Variants in PFKFB1 observed in about 807,000 individuals in gnomAD.
The protein encoded by PFKFB1 is 6-phosphofructo-2-kinase/fructose-2,6-biphosphatase 1.
In PFKFB1, 34 loss-of-function variants were observed where a neutral mutation model predicts 46.4. That is an observed-to-expected ratio of 0.73 (90% CI 0.56 to 0.98). The LOEUF is 0.98. Among genes scored for constraint, PFKFB1 ranks in the 50% least tolerant of loss-of-function variants. The pLI is 0.00. For missense variants in PFKFB1, 393 were observed against 376.3 expected (o/e 1.04, Z -0.37); for synonymous variants, 119 against 133.8 (o/e 0.89, Z 0.76).
chrX:54,956,034 C>T, intron 7 of PFKFB1, 119 bp downstream of exon 7: 2 of 463,685 alleles, frequency 4.3e-6, no homozygotes, highest in Non-Finnish European at 7.4e-6. Context: ...AGTTCAGTTT[C>T]CTGATATTAC....
At chrX:54,981,776 G>A (rs145126793) in intron 1 of PFKFB1, among the ~76,000 whole-genome samples, 3 of 111,547 alleles carry the variant, frequency 2.7e-5, no homozygotes, top group Non-Finnish European at 5.7e-5. Flanking sequence ...AAGAGCTTGG[G>A]AGTTCTTATT....
upstream of PFKFB1, chrX:54,998,370 G>A: frequency 8.9e-7 from 1 of 1,120,065 alleles, no homozygotes; most frequent in Non-Finnish European, 1.2e-6. Flanking sequence ...GTGGATTTGT[G>A]CAACTCCTGC....
chrX:54,959,648 G>A (rs1934252578), intron 4 of PFKFB1, among the ~76,000 whole-genome samples, 179 bp downstream of exon 4: 1 of 111,400 alleles, frequency 9.0e-6, no homozygotes, highest in Non-Finnish European at 1.9e-5. Flanking sequence ...CCATTCTTCT[G>A]GGCTCTGAAT....
chrX:54,991,248 C>T (rs1425016938), intron 1 of PFKFB1, among the ~76,000 whole-genome samples: 1 of 111,486 alleles, frequency 9.0e-6, no homozygotes, highest in Non-Finnish European at 1.9e-5. Context: ...CAGTTGTATA[C>T]ATTAGCAACA....
At chrX:54,971,735 C>G (rs1225875413) in intron 1 of PFKFB1, among the ~76,000 whole-genome samples, 1 of 112,178 alleles carries the variant, frequency 8.9e-6, no homozygotes, top group African/African-American at 3.2e-5. Context: ...GTTTTGGTTA[C>G]TGTAGGCTTG....
chrX:54,988,218 T>TTAAG (rs1172483819), intron 1 of PFKFB1, among the ~76,000 whole-genome samples: 1 of 111,257 alleles, frequency 9.0e-6, no homozygotes, highest in Non-Finnish European at 1.9e-5. Context: ...CAAAATGAAA[T>TTAAG]TAAGTAAAAC....
intron 10 of PFKFB1, among the ~76,000 whole-genome samples, chrX:54,942,292 A>G (rs1224619724): frequency 9.0e-6 from 1 of 111,488 alleles, no homozygotes; most frequent in African/African-American, 3.3e-5. Flanking sequence ...TACCTAATGT[A>G]AATGACGATT....
chrX:54,967,589 T>A lies in PFKFB1; in HGVS notation c.98-4207A>T, dbSNP rs906523107. 7.6e-3 allele frequency among the ~76,000 whole-genome samples: 541 copies of A among 71,520 alleles called. 5 individuals carry two copies. Among genetic ancestry groups the A allele is most frequent in the Non-Finnish European group, 0.012 (464 of 38,156 alleles). The allele number at this position is 71,520 out of a possible 115,157, so 62.1% of individuals were successfully genotyped here. On this transcript the variant is annotated intron_variant, in intron 1 of 13. Coordinates refer to ENST00000375006, the MANE Select transcript of PFKFB1 (RefSeq NM_002625.4). ...CTACTCATCTGACAAAGGGCTAATA[T>A]CCAGAATCTACAATGAACTCAAACA...
chrX:54,937,666 T>G lies in PFKFB1; in HGVS notation c.1157A>C (p.Glu386Ala). Residue 386 changes from glutamate to alanine, a missense_variant, in exon 11 of 14, where the codon GAG becomes GCG. Glu to Ala is a moderately radical substitution (Grantham distance 107). Transcript: ENST00000375006. Reference protein sequence around the residue: ...EPVIMELERQENVLVICHQAV... With the variant: ...EPVIMELERQANVLVICHQAV... Reference sequence around the variant, plus strand: ...CTGGTGGCAGATCACCAGTACATTCTCCTGTCGTTCTAGCTCCATTATCAC... The same window carrying G: ...CTGGTGGCAGATCACCAGTACATTCGCCTGTCGTTCTAGCTCCATTATCAC... The G allele has an allele frequency of 1.7e-6, 2 of 1,205,932 alleles. No individual in the cohort carries two copies. The highest frequency in any genetic ancestry group is 2.2e-6 in the Non-Finnish European group (2 of 890,237).
intron 8 of PFKFB1, among the ~76,000 whole-genome samples, chrX:54,950,770 T>G (rs1314216264): frequency 2.7e-5 from 3 of 112,323 alleles, no homozygotes; most frequent in African/African-American, 9.7e-5. Flanking sequence ...GAGGGGAGGC[T>G]GTCAGTCTGG....
At position 54,956,284 on chromosome X, in the gene PFKFB1, G is replaced by T; in HGVS notation, c.517-10C>A. 1 of 1,210,637 alleles carries T rather than the reference G, an allele frequency of 8.3e-7. No individual in the cohort carries two copies. Among genetic ancestry groups the T allele is most frequent in the South Asian group, 1.8e-5 (1 of 56,780 alleles). The stretch of plus-strand genomic sequence containing the variant: ...TGCCAAGTTTCACTTGCTGGGAGCA[G>T]GGAGAACAGAGGTATCAAGGGAGAC... On this transcript the variant is annotated splice_polypyrimidine_tract_variant and intron_variant, in intron 6 of 13. Transcript: ENST00000375006.
At chrX:54,994,283 C>A (rs1181186102), upstream of PFKFB1, 1 of 751,922 alleles carries the variant, frequency 1.3e-6, no homozygotes, top group Non-Finnish European at 1.6e-6. Flanking sequence ...CTCTGAACTC[C>A]AAGGGCTGTG....
At chrX:54,950,125 C>T (rs1933927353) in intron 8 of PFKFB1, among the ~76,000 whole-genome samples, 2 of 112,443 alleles carry the variant, frequency 1.8e-5, no homozygotes, top group African/African-American at 3.2e-5. Context: ...TAACTGCTGA[C>T]GGCATGTGTT....
At chrX:54,994,731 C>A (rs1268236538), upstream of PFKFB1, 4 of 753,272 alleles carry the variant, frequency 5.3e-6, no homozygotes, top group East Asian at 3.0e-4. Flanking sequence ...CCTTCCTTGC[C>A]ACAGGGCCTC....
chrX:54,971,492 T>C (rs1345568896), intron 1 of PFKFB1, among the ~76,000 whole-genome samples: 28 of 111,882 alleles, frequency 2.5e-4, no homozygotes, highest in Non-Finnish European at 4.5e-4. Flanking sequence ...AAGTCTTTCA[T>C]CCATCTTGAA....
chrX:54,966,565 T>C (rs1055546529), intron 1 of PFKFB1, among the ~76,000 whole-genome samples: 2 of 111,298 alleles, frequency 1.8e-5, no homozygotes, highest in South Asian at 7.6e-4. Flanking sequence ...ACAGTGGAGG[T>C]AGTAAAAGCA....
intron 1 of PFKFB1, among the ~76,000 whole-genome samples, chrX:54,993,011 T>C (rs886474666): frequency 1.2e-4 from 13 of 111,661 alleles, no homozygotes; most frequent in African/African-American, 3.9e-4. Context: ...TCCCTAAGCC[T>C]GGGCCTCCTC....
chrX:54,942,455 C>A (rs903405975), intron 10 of PFKFB1, among the ~76,000 whole-genome samples: 6 of 111,759 alleles, frequency 5.4e-5, no homozygotes, highest in African/African-American at 2.0e-4. Context: ...TGATTCAGAG[C>A]TACACTATCC....
chrX:54,933,321 A>G lies in PFKFB1; in HGVS notation c.*82T>C. 2.3e-6 allele frequency: 2 copies of G among 851,100 alleles called. No homozygotes were observed. Among genetic ancestry groups the G allele is most frequent in the Non-Finnish European group, 1.7e-6 (1 of 571,582 alleles). The allele number at this position is 851,100 out of a possible 1,213,427, so 70.1% of individuals were successfully genotyped here. A position where few individuals can be genotyped will look rare whatever the true frequency, so the allele number is the denominator to read the frequency against. ...TGGGGTGCCTCAGTGAGGCCAAGGC[A>G]GAGTAGGAGAAGAGCAAAGATAGCA... On this transcript the variant is annotated 3_prime_UTR_variant, in exon 14 of 14. Coordinates refer to ENST00000375006, the MANE Select transcript of PFKFB1 (RefSeq NM_002625.4).
Sources: allele counts gnomAD v4.1 joint callset (sites outside exome capture counted in the v4.1 genomes callset), GRCh38; gene constraint gnomAD v4.1.1; transcripts MANE v1.5; gene names NCBI Gene and HGNC (gene_info 2026-07-23, HGNC 2026-07-21).